The following CA5A variants were observed in gnomAD, a reference collection of about 807,000 sequenced individuals.
CA5A encodes carbonic anhydrase 5A.
A neutral mutation model predicts 37.1 loss-of-function variants in CA5A; 28 were observed. That is an observed-to-expected ratio of 0.75 (90% CI 0.56 to 1.03). CA5A has a LOEUF of 1.03. Ranked by LOEUF, CA5A falls within the 50% of genes least tolerant of loss-of-function variation. The pLI is 0.00. For missense variants in CA5A, 444 were observed against 399.9 expected, an observed-to-expected ratio of 1.11 and a Z score of -0.94; for synonymous variants, 171 against 158.4, an observed-to-expected ratio of 1.08 and a Z score of -0.60.
chr16:87,887,101 C>T (rs1216271694), downstream of CA5A: 3 of 152,060 alleles, frequency 2.0e-5, no homozygotes, highest in East Asian at 1.9e-4. Context: ...CGGGGTTTCG[C>T]CATGTTGGTC....
chr16:87,891,134 T>C (rs72816316), intron 6 of CA5A, among the ~76,000 whole-genome samples: 26,091 of 147,042 alleles, frequency 0.18, 2,419 homozygotes, highest in South Asian at 0.27. Context: ...ATATTATTAA[T>C]TAATTTTCGA....
chr16:87,912,842 GACAGCAGCCACCACAACGGA>G (rs1174535294), intron 2 of CA5A, among the ~76,000 whole-genome samples: 1 of 152,244 alleles, frequency 6.6e-6, no homozygotes, highest in Non-Finnish European at 1.5e-5. Flanking sequence ...GGACCCTGGT[GACAGCAGCCACCACAACGGA>G]ACAGGCGGAA....
chr16:87,910,498 C>G (rs76253826), intron 2 of CA5A, among the ~76,000 whole-genome samples: 1 of 152,188 alleles, frequency 6.6e-6, no homozygotes, highest in African/African-American at 2.4e-5. Flanking sequence ...TAGTAGGGTT[C>G]AGGCCAAACT....
At chr16:87,894,860 C>CAG (rs58081897) in intron 5 of CA5A, among the ~76,000 whole-genome samples, 2 of 152,002 alleles carry the variant, frequency 1.3e-5, no homozygotes, top group Non-Finnish European at 1.5e-5. Context: ...GCCTGGGCAA[C>CAG]AGAGAGAGAG....
chr16:87,926,140 A>G (rs1214084495), intron 2 of CA5A, among the ~76,000 whole-genome samples: 1 of 152,148 alleles, frequency 6.6e-6, no homozygotes, highest in Non-Finnish European at 1.5e-5. Flanking sequence ...GAATCACTTG[A>G]ACCAGGAGAC....
intron 1 of CA5A, among the ~76,000 whole-genome samples, chr16:87,933,880 T>TTCTG (rs2056438444): frequency 6.6e-6 from 1 of 152,224 alleles, no homozygotes; most frequent in African/African-American, 2.4e-5. Context: ...TGGCAGAATA[T>TTCTG]TCTGCTCTTT....
At chr16:87,932,511 G>A (rs907735524) in intron 1 of CA5A, among the ~76,000 whole-genome samples, 4 of 152,204 alleles carry the variant, frequency 2.6e-5, no homozygotes, top group Admixed American at 6.5e-5. Context: ...TGCTGAATAG[G>A]CTTCCAATCT....
At chr16:87,892,611 T>A (rs1400220034) in intron 5 of CA5A, among the ~76,000 whole-genome samples, 1 of 149,570 alleles carries the variant, frequency 6.7e-6, no homozygotes, top group Non-Finnish European at 1.5e-5. Context: ...ATACCTTGGC[T>A]GCAAAAAATA....
chr16:87,901,965 G>A lies in CA5A; in HGVS notation c.565C>T (p.His189Tyr), dbSNP rs1284784077. 2 of 1,613,658 alleles carry A rather than the reference G, an allele frequency of 1.2e-6. No individual in the cohort carries two copies. The highest frequency in any genetic ancestry group is 2.2e-5 in the East Asian group (1 of 44,862). Reference sequence around the variant, plus strand: ...ACCAGCCTCTGCAGCGTCTGATGATGGGCCCCGAGCTGCATGGCAGACAAA... The same window carrying A: ...ACCAGCCTCTGCAGCGTCTGATGATAGGCCCCGAGCTGCATGGCAGACAAA... Reference protein sequence around the residue: ...VIGVFLKLGAHHQTLQRLVDI... With the variant: ...VIGVFLKLGAYHQTLQRLVDI... The change falls in exon 5 of 7, where the codon CAT becomes TAT. Residue 189 changes from histidine (H) to tyrosine (Y), a missense_variant. His to Tyr is a moderately conservative substitution (Grantham distance 83). Transcript: ENST00000649794.
At chr16:87,901,007 C>T (rs2055870139) in intron 5 of CA5A, among the ~76,000 whole-genome samples, 1 of 152,248 alleles carries the variant, frequency 6.6e-6, no homozygotes, top group African/African-American at 2.4e-5. Flanking sequence ...GGGCGGATCA[C>T]CTGAAGTCAG....
At chr16:87,916,843 C>T (rs552659522) in intron 2 of CA5A, among the ~76,000 whole-genome samples, 1 of 152,244 alleles carries the variant, frequency 6.6e-6, no homozygotes, top group African/African-American at 2.4e-5. Flanking sequence ...TGGCTCACGC[C>T]TGTAATCCCA....
At chr16:87,889,788 A>G (rs1333291924) in intron 6 of CA5A, among the ~76,000 whole-genome samples, 1 of 152,182 alleles carries the variant, frequency 6.6e-6, no homozygotes, top group Non-Finnish European at 1.5e-5. Flanking sequence ...AAATAATAAA[A>G]TAAAAAATAA....
At chr16:87,887,882 T>A (rs1256022391), downstream of CA5A, 3 of 438,222 alleles carry the variant, frequency 6.8e-6, no homozygotes, top group Non-Finnish European at 4.0e-6. Flanking sequence ...GGTACTTCGT[T>A]ACAGTGAAAC....
At chr16:87,904,519 G>A (rs776572760) in intron 3 of CA5A, among the ~76,000 whole-genome samples, 18 of 152,192 alleles carry the variant, frequency 1.2e-4, no homozygotes, top group Non-Finnish European at 1.6e-4. Context: ...TTTGCATCCC[G>A]GCTGTCTGGC....
At chr16:87,916,387 C>T (rs1277358719) in intron 2 of CA5A, among the ~76,000 whole-genome samples, 1 of 151,960 alleles carries the variant, frequency 6.6e-6, no homozygotes, top group Non-Finnish European at 1.5e-5. Flanking sequence ...ATTTAGGATG[C>T]TCGTATTTTA....
At chr16:87,882,857 C>T (rs547047159) in intron 4 of CA5A, 108 of 152,650 alleles carry the variant, frequency 7.1e-4, no homozygotes, top group Middle Eastern at 6.7e-3. Context: ...CTCTTTCACC[C>T]GCATCGCCAC....
intron 2 of CA5A, among the ~76,000 whole-genome samples, chr16:87,916,232 G>A (rs1357122023): frequency 6.6e-6 from 1 of 151,448 alleles, no homozygotes; most frequent in East Asian, 1.9e-4. Context: ...TATAATCCCA[G>A]CACTTTGGGA....
chr16:87,919,492 C>A (rs2056200883), intron 2 of CA5A, among the ~76,000 whole-genome samples: 1 of 152,304 alleles, frequency 6.6e-6, no homozygotes, highest in East Asian at 1.9e-4. Flanking sequence ...CTCGGGCGGC[C>A]ACCTTCGCCC....
chr16:87,921,356 A>C (rs2056226908), intron 2 of CA5A, among the ~76,000 whole-genome samples: 1 of 152,212 alleles, frequency 6.6e-6, no homozygotes. Flanking sequence ...AGAGGCCCCG[A>C]AATTGGCTTG....
Sources: gnomAD v4.1 joint callset for allele counts (sites outside exome capture counted in the v4.1 genomes callset) on GRCh38, gnomAD v4.1.1 for gene constraint, MANE v1.5 for transcripts, NCBI Gene and HGNC (gene_info 2026-07-23, HGNC 2026-07-21) for gene names.